The following NFIB variants were observed in gnomAD, a reference collection of about 807,000 sequenced individuals.
NFIB encodes nuclear factor 1 B-type.
Under a neutral mutation model 61.5 loss-of-function variants are expected in NFIB, and 11 were observed. The ratio of observed to expected loss-of-function variants is 0.18; its 90% CI spans 0.11 to 0.30. The LOEUF is 0.30. Ranked by LOEUF, NFIB falls within the 10% of genes least tolerant of loss-of-function variation. NFIB has a pLI of 1.00. For missense variants in NFIB, 471 were observed against 608.9 expected, an observed-to-expected ratio of 0.77 and a Z score of 2.38; for synonymous variants, 260 against 216.5, an observed-to-expected ratio of 1.20 and a Z score of -1.76.
intron 1 of NFIB, chr9:14,321,936 C>G: frequency 8.1e-7 from 1 of 1,231,696 alleles, no homozygotes; most frequent in South Asian, 4.1e-5. Flanking sequence ...TTCAAAGCCA[C>G]ATACCATCGC....
chr9:14,472,623 C>T, the NFIB span, among the ~76,000 whole-genome samples: 42 of 152,150 alleles, frequency 2.8e-4, no homozygotes, highest in African/African-American at 9.4e-4. Flanking sequence ...AGGTGGATCA[C>T]GAGGTTAGGA....
intron 1 of NFIB, among the ~76,000 whole-genome samples, chr9:14,343,016 T>C (rs2077089031): frequency 6.6e-6 from 1 of 151,860 alleles, no homozygotes; most frequent in South Asian, 2.1e-4. Flanking sequence ...ACGGAAATAA[T>C]TTGTCCTGTT....
At chr9:14,527,412 G>C in the NFIB span, among the ~76,000 whole-genome samples, 2 of 152,022 alleles carry the variant, frequency 1.3e-5, no homozygotes, top group African/African-American at 2.4e-5. Flanking sequence ...TTCACCTATG[G>C]GTCTAAGAAA....
At chr9:14,320,696 A>C (rs1264133731) in intron 1 of NFIB, among the ~76,000 whole-genome samples, 2 of 152,168 alleles carry the variant, frequency 1.3e-5, no homozygotes, top group East Asian at 3.8e-4. Flanking sequence ...ATACACACAT[A>C]CACCCTGCTT....
intron 3 of NFIB, among the ~76,000 whole-genome samples, chr9:14,167,004 C>T (rs2131322194): frequency 6.7e-6 from 1 of 148,804 alleles, no homozygotes; most frequent in South Asian, 2.1e-4. Context: ...AAGATATGTC[C>T]TCGTGGTTCT....
At chr9:14,192,570 TG>T (rs2048063293) in intron 2 of NFIB, among the ~76,000 whole-genome samples, 1 of 152,154 alleles carries the variant, frequency 6.6e-6, no homozygotes. Flanking sequence ...GGTAGGAGTT[TG>T]GGAATTTGGA....
At chr9:14,147,887 C>A (rs1846195711) in intron 5 of NFIB, among the ~76,000 whole-genome samples, 1 of 151,990 alleles carries the variant, frequency 6.6e-6, no homozygotes, top group Non-Finnish European at 1.5e-5. Context: ...AGCGATCCTC[C>A]CACTTCAGCC....
chr9:14,357,851 C>T lies in NFIB; in HGVS notation c.108+40673G>A, dbSNP rs527547261. ...TAATACATGCGTTAACAAGGATGGACCTTAAAATATCATGCTAAGTAAGAG... is the reference window on the plus strand; with the variant it reads ...TAATACATGCGTTAACAAGGATGGATCTTAAAATATCATGCTAAGTAAGAG... On this transcript the variant is annotated intron_variant, in intron 1 of 8. Coordinates refer to the NFIB transcript ENST00000380934. The T allele has an allele frequency of 4.6e-5, 7 of 152,226 alleles. No individual in the cohort carries two copies. In the South Asian group the frequency reaches 1.5e-3, roughly 32 times the overall value. The allele number at this position is 152,226 out of a possible 1,614,324, so 9.4% of individuals were successfully genotyped here.
Position 14,087,349 on chromosome 9 carries a change from C to A in NFIB, c.*960G>T, listed in dbSNP as rs568585045. On this transcript the variant is annotated 3_prime_UTR_variant, in exon 11 of 11. Transcript: ENST00000380953. ...AATTCGTTCAAAATTATTTTAAATTCTTTTTAATCCCCTCAATTTAGAGTC... is the reference window on the plus strand; with the variant it reads ...AATTCGTTCAAAATTATTTTAAATTATTTTTAATCCCCTCAATTTAGAGTC... The A allele has an allele frequency of 2.4e-5, 5 of 206,634 alleles. No individual in the cohort carries two copies. The East Asian group carries it at 3.7e-4, about 15-fold the overall frequency. The allele number at this position is 206,634 out of a possible 1,614,324, so 12.8% of individuals were successfully genotyped here. A position where few individuals can be genotyped will look rare whatever the true frequency, so the allele number is the denominator to read the frequency against.
intron 2 of NFIB, among the ~76,000 whole-genome samples, chr9:14,269,914 T>C (rs1463197498): frequency 6.6e-6 from 1 of 152,188 alleles, no homozygotes; most frequent in African/African-American, 2.4e-5. Flanking sequence ...GGCAAGGAAG[T>C]TGAACTGAAT....
chr9:14,088,023 A>G lies in NFIB; in HGVS notation c.*286T>C. On this transcript the variant is annotated 3_prime_UTR_variant, in exon 11 of 11. Transcript: ENST00000380953. ...TCATCGACCCTTTTTATGTCATTAC[A>G]GTTTCAACCTTAAGGGAATTAGTGA... is the stretch of plus-strand genomic sequence containing the variant. 1 of 471,962 alleles carries G rather than the reference A, an allele frequency of 2.1e-6. No homozygotes were observed. Among genetic ancestry groups the G allele is most frequent in the Non-Finnish European group, 3.3e-6 (1 of 299,742 alleles). The allele number at this position is 471,962 out of a possible 1,614,324, so 29.2% of individuals were successfully genotyped here. A position where few individuals can be genotyped will look rare whatever the true frequency, so the allele number is the denominator to read the frequency against.
chr9:14,361,571 T>C (rs2132945887), intron 1 of NFIB: 1 of 152,324 alleles, frequency 6.6e-6, no homozygotes, highest in South Asian at 2.1e-4. Flanking sequence ...ACTAATGACA[T>C]ATAGCATACA....
Position 14,150,058 on chromosome 9 carries a change from A to T in NFIB, c.806+87T>A, listed in dbSNP as rs1045748906. 22 of 1,545,220 alleles carry T rather than the reference A, an allele frequency of 1.4e-5. No homozygotes were observed. In the African/African-American group the frequency reaches 3.0e-4, roughly 21 times the overall value. On this transcript the variant is annotated intron_variant, in intron 5 of 10. Transcript: ENST00000380953. ...CAAAAATTATTTCCCATCTCTCTTT[A>T]CCTACCTACCTATCTATCTGCCTAT...
At chr9:14,429,596 G>A in the NFIB span, among the ~76,000 whole-genome samples, 1 of 152,202 alleles carries the variant, frequency 6.6e-6, no homozygotes, top group Non-Finnish European at 1.5e-5. Context: ...GGAAGAAATA[G>A]TCCCTTCATC....
intron 2 of NFIB, among the ~76,000 whole-genome samples, chr9:14,255,692 AT>A (rs1252287173): frequency 6.6e-6 from 1 of 152,216 alleles, no homozygotes; most frequent in Non-Finnish European, 1.5e-5. Context: ...TATTGATGAA[AT>A]ACTTGGAGTG....
chr9:14,323,255 TAA>T (rs1196078525), intron 1 of NFIB, among the ~76,000 whole-genome samples: 12 of 152,160 alleles, frequency 7.9e-5, no homozygotes, highest in Non-Finnish European at 1.6e-4. Context: ...ACCAAAGAGA[TAA>T]TACAACCCCG....
upstream of NFIB, among the ~76,000 whole-genome samples, chr9:14,315,575 A>C (rs1412237892): frequency 1.5e-4 from 22 of 142,844 alleles, no homozygotes; most frequent in African/African-American, 5.5e-4. Context: ...GCGCCGCTGC[A>C]GCCCTCCAGA....
At chr9:14,264,544 C>T (rs1343093981) in intron 2 of NFIB, among the ~76,000 whole-genome samples, 1 of 152,092 alleles carries the variant, frequency 6.6e-6, no homozygotes, top group Non-Finnish European at 1.5e-5. Flanking sequence ...AAAGTAAAAA[C>T]ACTCAATGAT....
the NFIB span, among the ~76,000 whole-genome samples, chr9:14,404,960 C>T: frequency 3.9e-5 from 6 of 152,132 alleles, no homozygotes; most frequent in South Asian, 2.1e-4. Flanking sequence ...GAAGAGACTC[C>T]GTGTAGTTTT....
Sources: allele counts gnomAD v4.1 joint callset (sites outside exome capture counted in the v4.1 genomes callset), GRCh38; gene constraint gnomAD v4.1.1; transcripts MANE v1.5; gene names NCBI Gene and HGNC (gene_info 2026-07-23, HGNC 2026-07-21).